ELP4: variants seen among roughly 807,000 people sequenced by gnomAD.
ELP4 encodes the protein elongator acetyltransferase complex subunit 4, also known as elongator complex protein 4.
Under a neutral mutation model 48.9 loss-of-function variants are expected in ELP4, and 51 were observed. That is an observed-to-expected ratio of 1.04 (90% CI 0.83 to 1.32). ELP4 has a LOEUF of 1.32. Ranked by LOEUF, ELP4 falls within the 40% of genes most tolerant of loss-of-function variation. The pLI is 0.00. For synonymous variants in ELP4, 210 were observed against 189.2 expected, an observed-to-expected ratio of 1.11 and a Z score of -0.90; for missense variants, 519 against 514.6, an observed-to-expected ratio of 1.01 and a Z score of -0.08.
chr11:31,748,022 G>T (rs1274326798), intron 9 of ELP4, among the ~76,000 whole-genome samples: 4 of 152,174 alleles, frequency 2.6e-5, no homozygotes, highest in Non-Finnish European at 4.4e-5. Context: ...CCAAAAAAGA[G>T]CTCTTATAAG....
At position 31,760,521 on chromosome 11, in the gene ELP4, T is replaced by A. The variant is rs1224898272; in HGVS notation, c.1144-22872T>A. Among the ~76,000 whole-genome samples, 4 of 152,324 alleles carry A rather than the reference T, an allele frequency of 2.6e-5. No individual in the cohort carries two copies. The East Asian group carries it at 5.8e-4, about 22-fold the overall frequency. On this transcript the variant is annotated intron_variant, in intron 9 of 9. Coordinates refer to ENST00000640961, the MANE Select transcript of ELP4 (RefSeq NM_019040.5). ...TCAGTTTAAGTATGCTAGATTTTTT[T>A]AAATGTATTATAAAAACATTAGAAG...
chr11:31,634,961 G>A (rs1944941245), intron 7 of ELP4, among the ~76,000 whole-genome samples: 1 of 151,778 alleles, frequency 6.6e-6, no homozygotes, highest in South Asian at 2.1e-4. Flanking sequence ...AGACGATTTT[G>A]CAAAGTTATC....
In ELP4 at chr11:31,786,306, TTC is replaced by T. The variant is rs1464914896; in HGVS notation, c.*2784_*2785del. 1 of 210,188 alleles carries T rather than the reference TTC, an allele frequency of 4.8e-6. No individual in the cohort carries two copies. Among genetic ancestry groups the T allele is most frequent in the Non-Finnish European group, 9.7e-6 (1 of 103,338 alleles). 13.0% of individuals were successfully genotyped at this position (210,188 alleles called of 1,614,324 possible). A position where few individuals can be genotyped will look rare whatever the true frequency, so the allele number is the denominator to read the frequency against. ...TGTTTAAGCCCATTATTAATGTCAT[TTC>T]TAAGACAGCATGTTACTGCTTTCCA... is the stretch of plus-strand genomic sequence containing the variant. On this transcript the variant is annotated 3_prime_UTR_variant, in exon 10 of 10. Transcript: ENST00000640961.
At chr11:31,664,175 A>G (rs2134094994) in intron 9 of ELP4, 2 of 152,252 alleles carry the variant, frequency 1.3e-5, no homozygotes, top group Middle Eastern at 6.8e-3. Flanking sequence ...TACTCCTTGA[A>G]CAGGAATTAA....
intron 9 of ELP4, among the ~76,000 whole-genome samples, chr11:31,701,981 A>T (rs879571377): frequency 4.6e-5 from 7 of 152,134 alleles, no homozygotes; most frequent in Non-Finnish European, 7.4e-5. Context: ...CGAATAATAT[A>T]TTGATGAATT....
At chr11:31,625,005 GTCTA>G (rs1944708459) in intron 5 of ELP4, among the ~76,000 whole-genome samples, 1 of 150,664 alleles carries the variant, frequency 6.6e-6, no homozygotes, top group Admixed American at 6.6e-5. Flanking sequence ...GGTCACCTGA[GTCTA>G]TCTTATTGTT....
intron 3 of ELP4, among the ~76,000 whole-genome samples, chr11:31,547,642 C>T (rs1956755973): frequency 6.6e-6 from 1 of 152,078 alleles, no homozygotes; most frequent in South Asian, 2.1e-4. Context: ...TTTATGAGGC[C>T]AGCATCATCC....
chr11:31,544,709 C>T (rs1293689580), intron 3 of ELP4, among the ~76,000 whole-genome samples: 2 of 152,248 alleles, frequency 1.3e-5, no homozygotes, highest in African/African-American at 4.8e-5. Context: ...TCAAGTGGGT[C>T]TCTGACCCCT....
chr11:31,632,151 G>A (rs1013083668), intron 6 of ELP4, 66 bp from the exon 7 acceptor site: 1 of 1,331,514 alleles, frequency 7.5e-7, no homozygotes, highest in Admixed American at 2.3e-5. Flanking sequence ...AGAACTGACA[G>A]ATAAAAGTGG....
chr11:31,647,888 C>A, intron 8 of ELP4, 39 bp downstream of exon 8: 1 of 1,264,106 alleles, frequency 7.9e-7, no homozygotes, highest in Non-Finnish European at 1.2e-6. Flanking sequence ...CAGGAGCAGG[C>A]TGCTTCTAGG....
At chr11:31,681,916 T>G in intron 9 of ELP4, 1 of 346,502 alleles carries the variant, frequency 2.9e-6, no homozygotes, top group South Asian at 2.4e-5. Context: ...AATTTTTGTA[T>G]TTTTAGTAGA....
At chr11:31,525,071 A>G (rs977342937) in intron 2 of ELP4, among the ~76,000 whole-genome samples, 1 of 152,248 alleles carries the variant, frequency 6.6e-6, no homozygotes, top group Admixed American at 6.5e-5. Context: ...ATTAGAATAC[A>G]GCCGTGCTTA....
rs76560631 is a variant in ELP4 at position 31,700,563 on chromosome 11, A to G, written c.1143+50342A>G. Among the ~76,000 whole-genome samples the G allele has an allele frequency of 5.5e-3, 843 of 152,162 alleles. 11 individuals carry two copies. Among genetic ancestry groups the G allele is most frequent in the African/African-American group, 0.019 (798 of 41,538 alleles). ...GTCTGTATAAGGTATCCTGGCCCAA[A>G]TAAGTACGTTTTCCCAGTCTCACAC... On this transcript the variant is annotated intron_variant, in intron 9 of 9. Coordinates refer to ENST00000640961, the MANE Select transcript of ELP4 (RefSeq NM_019040.5).
chr11:31,710,624 G>GAAA (rs757991878), intron 9 of ELP4, among the ~76,000 whole-genome samples: 16 of 110,208 alleles, frequency 1.5e-4, no homozygotes, highest in African/African-American at 5.0e-4. Flanking sequence ...GACCCCATCT[G>GAAA]AAAAAAAAAA....
chr11:31,733,820 C>T (rs1359091476), intron 9 of ELP4, among the ~76,000 whole-genome samples: 1 of 152,142 alleles, frequency 6.6e-6, no homozygotes, highest in Non-Finnish European at 1.5e-5. Flanking sequence ...TTCTCAAACT[C>T]TTACAAAAAA....
chr11:31,588,172 TATCA>T (rs1416162952), intron 3 of ELP4, among the ~76,000 whole-genome samples: 35 of 152,316 alleles, frequency 2.3e-4, no homozygotes, highest in African/African-American at 7.7e-4. Context: ...TTCTATTTCA[TATCA>T]ATCTTATTCT....
chr11:31,629,057 T>C (rs760637668), intron 6 of ELP4, among the ~76,000 whole-genome samples: 19 of 152,068 alleles, frequency 1.2e-4, no homozygotes, highest in Admixed American at 5.2e-4. Context: ...CAGAATATTG[T>C]ATACTACCTT....
At chr11:31,686,531 T>C (rs1217358188) in intron 9 of ELP4, among the ~76,000 whole-genome samples, 1 of 152,150 alleles carries the variant, frequency 6.6e-6, no homozygotes, top group Non-Finnish European at 1.5e-5. Context: ...CCATGGGTAA[T>C]GGGGAGCCAT....
chr11:31,685,291 C>T (rs1946137654), intron 9 of ELP4, among the ~76,000 whole-genome samples: 1 of 152,036 alleles, frequency 6.6e-6, no homozygotes, highest in African/African-American at 2.4e-5. Context: ...GCTGAGGTTG[C>T]AGTGAGCTGA....
Sources: allele counts gnomAD v4.1 joint callset (sites outside exome capture counted in the v4.1 genomes callset), GRCh38; gene constraint gnomAD v4.1.1; transcripts MANE v1.5; gene names NCBI Gene and HGNC (gene_info 2026-07-23, HGNC 2026-07-21).